The following STAM variants were observed in gnomAD, a reference collection of about 807,000 sequenced individuals.
STAM encodes signal transducing adaptor molecule.
A neutral mutation model predicts 63.4 loss-of-function variants in STAM; 16 were observed. The observed-to-expected ratio is 0.25, with a 90% CI of 0.17 to 0.38. STAM has a LOEUF of 0.38. Ranked by LOEUF, STAM falls within the 10% of genes least tolerant of loss-of-function variation. STAM has a pLI of 1.00. For missense variants in STAM, 636 were observed against 657.1 expected (o/e 0.97, Z 0.35); for synonymous variants, 238 against 223.9 (o/e 1.06, Z -0.56).
intron 2 of STAM, among the ~76,000 whole-genome samples, chr10:17,661,897 G>T (rs1317699047): frequency 9.8e-6 from 1 of 102,356 alleles, no homozygotes; most frequent in East Asian, 2.6e-4. Flanking sequence ...TCCCAAATGT[G>T]GTCCCATCCA....
Position 17,708,807 on chromosome 10 carries a change from A to T in STAM, c.1241A>T (p.Tyr414Phe). The T allele has an allele frequency of 6.2e-7, 1 of 1,613,956 alleles. No homozygotes were observed. The highest frequency in any genetic ancestry group is 8.5e-7 in the Non-Finnish European group (1 of 1,179,878). The change falls in exon 13 of 14, where the codon TAC becomes TTC. Residue 414 changes from tyrosine to phenylalanine, a missense_variant. By Grantham distance (22) the Tyr-to-Phe change is conservative (BLOSUM62 3). Transcript: ENST00000377524. Reference sequence around the variant, plus strand: ...GCAGGGCCTCCTCCAAGTGGTGCCTACCTGGTTGCAGGGAACGCGCAGATG... The same window carrying T: ...GCAGGGCCTCCTCCAAGTGGTGCCTTCCTGGTTGCAGGGAACGCGCAGATG... ...VYAGPPPSGA[Y>F]LVAGNAQMSH...
At position 17,700,271 on chromosome 10, in the gene STAM, A is replaced by T. The variant is rs182401119; in HGVS notation, c.904A>T (p.Ile302Phe). 6.2e-7 allele frequency: 1 copy of T among 1,607,432 alleles called. No individual in the cohort carries two copies. The highest frequency in any genetic ancestry group is 2.2e-5 in the East Asian group (1 of 44,576). ...AGAACCAGAGCCGGAACCAGCCTTT[A>T]TTGATGAAGTAAGTGGTTTCCATGG... ...TIEPEPEPAF[I>F]DEDKMDQLLQ... Residue 302 changes from isoleucine to phenylalanine, a missense_variant, in exon 9 of 14, where the codon ATT becomes TTT. Ile to Phe is a conservative substitution (Grantham distance 21). Around this residue, in one of 3 missense-constraint regions of STAM, gnomAD observed 532 missense variants for 536.9 expected, o/e 0.99. Coordinates refer to ENST00000377524, the MANE Select transcript of STAM (RefSeq NM_003473.4).
intron 1 of STAM, among the ~76,000 whole-genome samples, chr10:17,658,404 C>A (rs1024068511): frequency 2.0e-5 from 3 of 151,968 alleles, no homozygotes; most frequent in Non-Finnish European, 4.4e-5. Flanking sequence ...AATGTGTATT[C>A]TGTTGTTTTT....
chr10:17,700,250 C>G lies in STAM; in HGVS notation c.883C>G (p.Pro295Ala), dbSNP rs782500771. 6.2e-7 allele frequency: 1 copy of G among 1,609,258 alleles called. No homozygotes were observed. Among genetic ancestry groups the G allele is most frequent in the African/African-American group, 1.3e-5 (1 of 74,718 alleles). ...TGATGTTCAGGTAGAGACAATAGAA[C>G]CAGAGCCGGAACCAGCCTTTATTGA... ...SDDVQVETIEPEPEPAFIDED... is the reference protein window; with the variant it reads ...SDDVQVETIEAEPEPAFIDED... The change falls in exon 9 of 14, where the codon CCA becomes GCA. Residue 295 changes from proline to alanine, a missense_variant. Physicochemically the swap from Pro to Ala is conservative, Grantham distance 27 (BLOSUM62 -1). Coordinates refer to ENST00000377524, the MANE Select transcript of STAM (RefSeq NM_003473.4).
chr10:17,704,281 A>AATAAAT, intron 9 of STAM, 150 bp from the exon 10 acceptor site: 1 of 624,280 alleles, frequency 1.6e-6, no homozygotes, highest in Non-Finnish European at 2.8e-6. Context: ...TACTAGAGAG[A>AATAAAT]ATAAATACAT....
chr10:17,669,884 C>CTTTTTTTTTTTTTTTTTTTTTTT (rs76381388), intron 2 of STAM, among the ~76,000 whole-genome samples: 1 of 120,768 alleles, frequency 8.3e-6, no homozygotes, highest in Non-Finnish European at 1.7e-5. Flanking sequence ...CTTTTCTTTT[C>CTTTTTTTTTTTTTTTTTTTTTTT]TTTTTTTTTT....
At position 17,647,285 on chromosome 10, in the gene STAM, C is replaced by T. The variant is rs1328752221; in HGVS notation, c.40+2906C>T. Among the ~76,000 whole-genome samples, 28 of 152,188 alleles carry T rather than the reference C, an allele frequency of 1.8e-4. 2 individuals carry two copies. Among genetic ancestry groups the T allele is most frequent in the Admixed American group, 1.8e-3 (28 of 15,274 alleles). The stretch of plus-strand genomic sequence containing the variant: ...GTATTTCAAAGTCTCTAGTGACTTC[C>T]ACCTTGCCAAATCCAATGGTCACTT... On this transcript the variant is annotated intron_variant, in intron 1 of 13. Transcript: ENST00000377524.
intron 2 of STAM, among the ~76,000 whole-genome samples, chr10:17,664,842 T>C (rs536931505): frequency 1.3e-5 from 2 of 152,290 alleles, no homozygotes; most frequent in Non-Finnish European, 2.9e-5. Context: ...AGTGCGGCGA[T>C]CTTTTTAAGA....
At chr10:17,675,000 G>A (rs551554374) in intron 2 of STAM, among the ~76,000 whole-genome samples, 1 of 152,214 alleles carries the variant, frequency 6.6e-6, no homozygotes, top group South Asian at 2.1e-4. Context: ...ATTTAATTAT[G>A]ACTTTTGACA....
chr10:17,656,929 G>C (rs1325606854), intron 1 of STAM, among the ~76,000 whole-genome samples: 6 of 152,208 alleles, frequency 3.9e-5, no homozygotes, highest in Admixed American at 3.9e-4. Flanking sequence ...GACTCTATAG[G>C]TTGGCCCCTT....
At chr10:17,676,896 CAT>C (rs34283260) in intron 2 of STAM, among the ~76,000 whole-genome samples, 164 of 150,274 alleles carry the variant, frequency 1.1e-3, no homozygotes, top group South Asian at 9.0e-3. Context: ...AATAATTATA[CAT>C]ATATATATAT....
intron 13 of STAM, among the ~76,000 whole-genome samples, chr10:17,709,700 A>C (rs868963818): frequency 2.6e-5 from 4 of 152,048 alleles, no homozygotes; most frequent in African/African-American, 9.7e-5. Context: ...TCTAGGTAGC[A>C]CAGGCACAAC....
rs531527628 is a variant in STAM, at chr10:17,714,967, C to A, written c.*187C>A. The stretch of plus-strand genomic sequence containing the variant: ...GACTTTTTAGAGGTTCTTCCCCCCC[C>A]GCCCCTGCAGAGGAATGAAACTACT... On this transcript the variant is annotated 3_prime_UTR_variant, in exon 14 of 14. Transcript: ENST00000377524. 15 of 596,308 alleles carry A rather than the reference C, an allele frequency of 2.5e-5. No homozygotes were observed. Among genetic ancestry groups the A allele is most frequent in the South Asian group, 4.0e-5 (2 of 50,246 alleles). The allele number at this position is 596,308 out of a possible 1,614,324, so 36.9% of individuals were successfully genotyped here.
chr10:17,680,053 T>C lies in STAM; in HGVS notation c.126-4622T>C, dbSNP rs116743081. Among the ~76,000 whole-genome samples the C allele has an allele frequency of 5.3e-3, 802 of 152,288 alleles. 12 individuals carry two copies. The highest frequency in any genetic ancestry group is 0.019 in the African/African-American group (777 of 41,570). On this transcript the variant is annotated intron_variant, in intron 2 of 13. Transcript: ENST00000377524. ...ACTTGTGTTCATTGGCTTTTCTTGA[T>C]TGTGTTTCTGTTGTCTGTTTTATTT... is the stretch of plus-strand genomic sequence containing the variant.
intron 2 of STAM, among the ~76,000 whole-genome samples, chr10:17,682,487 G>T (rs954942513): frequency 1.3e-5 from 2 of 152,028 alleles, no homozygotes; most frequent in African/African-American, 4.8e-5. Flanking sequence ...GGAAATTATG[G>T]TTCTGTGATT....
intron 1 of STAM, among the ~76,000 whole-genome samples, chr10:17,650,247 A>G (rs1554821363): frequency 6.6e-6 from 1 of 152,086 alleles, no homozygotes; most frequent in Non-Finnish European, 1.5e-5. Flanking sequence ...AATGGACACA[A>G]TGTATAGTTG....
intron 5 of STAM, among the ~76,000 whole-genome samples, chr10:17,691,028 G>C (rs1554826728): frequency 6.6e-6 from 1 of 152,176 alleles, no homozygotes; most frequent in East Asian, 1.9e-4. Flanking sequence ...TAATTGTGAA[G>C]TTTGCCAAAT....
chr10:17,705,153 T>C, intron 11 of STAM, 129 bp downstream of exon 11: 2 of 732,158 alleles, frequency 2.7e-6, no homozygotes, highest in Non-Finnish European at 2.3e-6. Context: ...TTCACATATC[T>C]TGTGCTAGAT....
At chr10:17,658,549 C>T (rs540783983) in intron 1 of STAM, among the ~76,000 whole-genome samples, 4 of 152,206 alleles carry the variant, frequency 2.6e-5, no homozygotes, top group South Asian at 2.1e-4. Flanking sequence ...CTTGCTCTGT[C>T]GCCCAGGCTG....
Sources: gnomAD v4.1 joint callset for allele counts (sites outside exome capture counted in the v4.1 genomes callset) on GRCh38, gnomAD v4.1.1 for gene constraint, gnomAD v4.1.1 regional missense constraint, MANE v1.5 for transcripts, NCBI Gene and HGNC (gene_info 2026-07-23, HGNC 2026-07-21) for gene names.